The following KANSL1L variants were observed in gnomAD, a reference collection of about 807,000 sequenced individuals.
The protein encoded by KANSL1L is KAT8 regulatory NSL complex subunit 1-like protein.
In KANSL1L, 25 loss-of-function variants were observed where a neutral mutation model predicts 108.6. The observed-to-expected ratio is 0.23, with a 90% confidence interval of 0.17 to 0.32. The LOEUF is 0.32. Among genes scored for constraint, KANSL1L ranks in the 10% least tolerant of loss-of-function variants. The probability of loss-of-function intolerance (pLI) is 1.00; values close to 1 mark genes in which losing one functional copy is unlikely to be tolerated. For missense variants in KANSL1L, 1,137 were observed against 1,125.7 expected, an observed-to-expected ratio of 1.01 and a Z score of -0.14; for synonymous variants, 405 against 395.1, an observed-to-expected ratio of 1.03 and a Z score of -0.30.
At chr2:210,060,490 T>TA (rs1246063521) in intron 6 of KANSL1L, among the ~76,000 whole-genome samples, 6 of 152,174 alleles carry the variant, frequency 3.9e-5, no homozygotes, top group Non-Finnish European at 7.4e-5. Context: ...CTAAAATTCA[T>TA]AAAAAATGAA....
rs537110272 is a variant in KANSL1L at position 210,105,736 on chromosome 2, C to A, written c.1231-1435G>T. 5.9e-5 allele frequency among the ~76,000 whole-genome samples: 9 copies of A among 151,738 alleles called. No homozygotes were observed. In the East Asian group the frequency reaches 1.7e-3, roughly 29 times the overall value. On this transcript the variant is annotated intron_variant, in intron 3 of 14. Coordinates refer to ENST00000281772, the MANE Select transcript of KANSL1L (RefSeq NM_152519.4). ...AAATTTTTGGTAAAAGTAGTAAATGCGCTTTTTAAAAAAATCTACATTTTG... is the reference window on the plus strand; with the variant it reads ...AAATTTTTGGTAAAAGTAGTAAATGAGCTTTTTAAAAAAATCTACATTTTG...
intron 2 of KANSL1L, among the ~76,000 whole-genome samples, chr2:210,133,202 A>G (rs2095142636): frequency 6.6e-6 from 1 of 152,182 alleles, no homozygotes; most frequent in Admixed American, 6.5e-5. Flanking sequence ...ACATGTGCAT[A>G]TAAGCTACAT....
intron 5 of KANSL1L, 53 bp from the exon 6 acceptor site, chr2:210,075,809 A>G: frequency 7.4e-7 from 1 of 1,345,214 alleles, no homozygotes. Context: ...ACAAAACAAA[A>G]CAAACAAAAA....
Position 210,153,528 on chromosome 2 carries a change from A to G in KANSL1L, c.1055T>C (p.Leu352Ser). The G allele has an allele frequency of 6.2e-7, 1 of 1,614,124 alleles. No homozygotes were observed. The highest frequency in any genetic ancestry group is 8.5e-7 in the Non-Finnish European group (1 of 1,180,010). The change falls in exon 2 of 15, where the codon TTG becomes TCG. Residue 352 changes from leucine to serine, a missense_variant. Leu to Ser is a moderately radical substitution (Grantham distance 145). Transcript: ENST00000281772. ...DATDSSSDDD[L>S]DEYTLRKNVA... is the part of the protein sequence containing the mutation. ...ATTTTTTCTAAGGGTATATTCATCC[A>G]AATCGTCATCAGAGCTGCTATCAGT...
intron 3 of KANSL1L, among the ~76,000 whole-genome samples, chr2:210,106,692 C>A (rs1040901237): frequency 4.6e-5 from 7 of 151,672 alleles, no homozygotes; most frequent in Middle Eastern, 3.4e-3. Context: ...TTGCTTGAAC[C>A]CAGGAGGAGG....
At chr2:210,125,028 T>C (rs906876885) in intron 3 of KANSL1L, among the ~76,000 whole-genome samples, 1 of 152,012 alleles carries the variant, frequency 6.6e-6, no homozygotes, top group Admixed American at 6.6e-5. Context: ...CCAAGGCAAG[T>C]GGAACACCTG....
At chr2:210,033,103 A>G (rs747409440) in intron 8 of KANSL1L, among the ~76,000 whole-genome samples, 2 of 152,218 alleles carry the variant, frequency 1.3e-5, no homozygotes, top group South Asian at 4.1e-4. Context: ...AAAGACCGCA[A>G]TGGGGTAACA....
chr2:210,142,912 T>G (rs888171943), intron 2 of KANSL1L, among the ~76,000 whole-genome samples: 4 of 152,134 alleles, frequency 2.6e-5, no homozygotes, highest in African/African-American at 9.7e-5. Flanking sequence ...GAAAACAATG[T>G]GTATTACAAT....
At chr2:210,101,260 C>T (rs1335560566) in intron 4 of KANSL1L, among the ~76,000 whole-genome samples, 1 of 152,154 alleles carries the variant, frequency 6.6e-6, no homozygotes, top group Non-Finnish European at 1.5e-5. Context: ...TTGCTTAGTG[C>T]TCTGCTGTCA....
chr2:210,161,211 C>G (rs1177757602), intron 1 of KANSL1L, among the ~76,000 whole-genome samples: 1 of 152,110 alleles, frequency 6.6e-6, no homozygotes, highest in Non-Finnish European at 1.5e-5. Context: ...TGGTCTTAAA[C>G]TCCTGACCTC....
chr2:210,098,047 A>C, intron 5 of KANSL1L, 39 bp downstream of exon 5: 1 of 1,531,700 alleles, frequency 6.5e-7, no homozygotes, highest in Non-Finnish European at 8.8e-7. Context: ...AAATAGGCAA[A>C]GTTGAATTTA....
chr2:210,044,405 T>C lies in KANSL1L; in HGVS notation c.1756-301A>G, dbSNP rs1294384396. 1.3e-5 allele frequency among the ~76,000 whole-genome samples: 2 copies of C among 151,670 alleles called. No individual in the cohort carries two copies. Among genetic ancestry groups the C allele is most frequent in the African/African-American group, 2.4e-5 (1 of 41,046 alleles). On this transcript the variant is annotated intron_variant, in intron 6 of 14. Coordinates refer to ENST00000281772, the MANE Select transcript of KANSL1L (RefSeq NM_152519.4). This position sits in a 1 kb window ranked among gnomAD's most constrained non-coding sequence, Gnocchi z 4.2. ...ATCTAAACATACTAGCTGGGAATGA[T>C]AACTGTAATTTTTTTCCTTCAATCC...
chr2:210,137,122 C>A lies in KANSL1L; in HGVS notation c.1089-7950G>T, dbSNP rs2095180584. 3.9e-5 allele frequency among the ~76,000 whole-genome samples: 6 copies of A among 152,030 alleles called. No homozygotes were observed. In the South Asian group the frequency reaches 1.2e-3, roughly 32 times the overall value. On this transcript the variant is annotated intron_variant, in intron 2 of 14. Coordinates refer to ENST00000281772, the MANE Select transcript of KANSL1L (RefSeq NM_152519.4). ...ATGTGCATCCTTGAAGACATTAGTT[C>A]TAATAGAAACCAGTTTAATAAAAAT...
In KANSL1L at chr2:210,043,922, G is replaced by T. The variant is rs770449389; in HGVS notation, c.1921+17C>A. The T allele has an allele frequency of 7.3e-6, 11 of 1,508,406 alleles. No homozygotes were observed. Among genetic ancestry groups the T allele is most frequent in the Non-Finnish European group, 8.1e-6 (9 of 1,114,604 alleles). 93.4% of individuals were successfully genotyped at this position (1,508,406 alleles called of 1,614,324 possible). A position where few individuals can be genotyped will look rare whatever the true frequency, so the allele number is the denominator to read the frequency against. On this transcript the variant is annotated intron_variant, in intron 7 of 14. Coordinates refer to ENST00000281772, the MANE Select transcript of KANSL1L (RefSeq NM_152519.4). ...CAGAAAATATCGTTACTTAGAAATT[G>T]TTACAAGGAGGCTTACCTGATGGCA... is the stretch of plus-strand genomic sequence containing the variant.
chr2:210,037,886 A>G (rs923435310), intron 8 of KANSL1L, among the ~76,000 whole-genome samples: 2 of 152,160 alleles, frequency 1.3e-5, no homozygotes, highest in South Asian at 2.1e-4. Flanking sequence ...CAAAAATTAT[A>G]TGTGTGTCTA....
At chr2:210,131,523 C>T (rs1408371422) in intron 2 of KANSL1L, among the ~76,000 whole-genome samples, 1 of 151,802 alleles carries the variant, frequency 6.6e-6, no homozygotes, top group African/African-American at 2.4e-5. Context: ...AAAAAAATGC[C>T]ATAGAACTCA....
chr2:210,168,615 G>A (rs1688133036), intron 1 of KANSL1L, among the ~76,000 whole-genome samples: 1 of 152,020 alleles, frequency 6.6e-6, no homozygotes, highest in African/African-American at 2.4e-5. Flanking sequence ...AATAATCTAA[G>A]GTATCATGAT....
At position 210,149,260 on chromosome 2, in the gene KANSL1L, T is replaced by C. The variant is rs150743688; in HGVS notation, c.1088+4235A>G. Among the ~76,000 whole-genome samples, 339 of 152,230 alleles carry C rather than the reference T, an allele frequency of 2.2e-3. 2 individuals carry two copies. The highest frequency in any genetic ancestry group is 7.9e-3 in the African/African-American group (327 of 41,546). ...AACACAGAAATAGTCATTCACTCAC[T>C]CAACAAATACCAAGCAATCATTAAA... On this transcript the variant is annotated intron_variant, in intron 2 of 14. Coordinates refer to ENST00000281772, the MANE Select transcript of KANSL1L (RefSeq NM_152519.4).
At chr2:210,082,018 C>T (rs537456897) in intron 5 of KANSL1L, among the ~76,000 whole-genome samples, 1 of 152,258 alleles carries the variant, frequency 6.6e-6, no homozygotes, top group South Asian at 2.1e-4. Flanking sequence ...ACAGCAGTGT[C>T]AACCTTCTTG....
Sources: allele counts gnomAD v4.1 joint callset (sites outside exome capture counted in the v4.1 genomes callset), GRCh38; gene constraint gnomAD v4.1.1; non-coding constraint Gnocchi (gnomAD v3.1); transcripts MANE v1.5; gene names NCBI Gene and HGNC (gene_info 2026-07-23, HGNC 2026-07-21).